Variants in INVS observed in about 807,000 individuals in gnomAD.
INVS encodes the protein inversion of embryo turning homolog.
A neutral mutation model predicts 108.8 loss-of-function variants in INVS; 86 were observed. The observed-to-expected ratio is 0.79, with a 90% CI of 0.66 to 0.95. The LOEUF is 0.95. Among genes scored for constraint, INVS ranks in the 40% least tolerant of loss-of-function variants. The probability of loss-of-function intolerance (pLI) is 0.00; values close to 1 mark genes in which losing one functional copy is unlikely to be tolerated. For missense variants in INVS, 1,169 were observed against 1,297.4 expected, an observed-to-expected ratio of 0.90 and a Z score of 1.52; for synonymous variants, 455 against 473.5, an observed-to-expected ratio of 0.96 and a Z score of 0.51.
rs1263277071 is a variant in INVS at position 100,123,362 on chromosome 9, G to T, written c.107-3021G>T. On this transcript the variant is annotated intron_variant, in intron 2 of 16. Coordinates refer to ENST00000262457, the MANE Select transcript of INVS (RefSeq NM_014425.5). The stretch of plus-strand genomic sequence containing the variant: ...CATAAATATAATTATATAATATGTG[G>T]TATTTTTTGACTGGCTTCTTTTGCT... 2.6e-5 allele frequency among the ~76,000 whole-genome samples: 4 copies of T among 152,250 alleles called. No homozygotes were observed. In the East Asian group the frequency reaches 7.7e-4, roughly 29 times the overall value.
At chr9:100,113,570 G>T (rs182629715) in intron 2 of INVS, among the ~76,000 whole-genome samples, 1 of 150,870 alleles carries the variant, frequency 6.6e-6, no homozygotes, top group Admixed American at 6.6e-5. Context: ...TTGTTTGTTT[G>T]TTTGTTTGTT....
intron 3 of INVS, among the ~76,000 whole-genome samples, chr9:100,170,326 G>A (rs1373556161): frequency 6.6e-6 from 1 of 150,522 alleles, no homozygotes; most frequent in Admixed American, 6.7e-5. Flanking sequence ...GGAGACCAAG[G>A]CCAGAGGATC....
At chr9:100,131,727 A>C in intron 3 of INVS, 1 of 157,350 alleles carries the variant, frequency 6.4e-6, no homozygotes, top group Non-Finnish European at 1.4e-5. Context: ...TGGCTTCAAG[A>C]AGCTTAAGAC....
intron 3 of INVS, among the ~76,000 whole-genome samples, chr9:100,174,272 A>G (rs1175366412): frequency 6.6e-6 from 1 of 152,194 alleles, no homozygotes; most frequent in Non-Finnish European, 1.5e-5. Context: ...GAAACTCTAT[A>G]AAAAGAACTA....
At chr9:100,256,237 GTT>G (rs1250627366) in intron 10 of INVS, among the ~76,000 whole-genome samples, 2 of 151,952 alleles carry the variant, frequency 1.3e-5, no homozygotes, top group African/African-American at 4.8e-5. Flanking sequence ...AGTAGTTTGT[GTT>G]TTTGTGGGAT....
At chr9:100,295,318 A>G (rs1833759547) in intron 14 of INVS, among the ~76,000 whole-genome samples, 1 of 152,178 alleles carries the variant, frequency 6.6e-6, no homozygotes, top group East Asian at 1.9e-4. Flanking sequence ...CTGCGTAGGT[A>G]ACTACACAGG....
intron 12 of INVS, among the ~76,000 whole-genome samples, chr9:100,276,425 A>G (rs1233933318): frequency 6.6e-6 from 1 of 152,168 alleles, no homozygotes; most frequent in Non-Finnish European, 1.5e-5. Flanking sequence ...TGTGCTTGCT[A>G]GTGCTGCTAC....
At chr9:100,291,495 G>A (rs1833614005) in intron 13 of INVS, among the ~76,000 whole-genome samples, 1 of 152,134 alleles carries the variant, frequency 6.6e-6, no homozygotes, top group Non-Finnish European at 1.5e-5. Context: ...GTTAACTGTT[G>A]CTTATGGTAC....
chr9:100,132,784 T>C (rs1456001694), intron 3 of INVS, among the ~76,000 whole-genome samples: 1 of 152,146 alleles, frequency 6.6e-6, no homozygotes, highest in Non-Finnish European at 1.5e-5. Flanking sequence ...GGAATTTTTT[T>C]TTTTTAATTA....
intron 4 of INVS, among the ~76,000 whole-genome samples, chr9:100,227,064 G>GT (rs985469989): frequency 1.3e-5 from 2 of 152,098 alleles, no homozygotes; most frequent in African/African-American, 4.8e-5. Context: ...CTCAATTTTT[G>GT]TATGTATGGA....
intron 13 of INVS, 91 bp from the exon 14 acceptor site, chr9:100,292,235 T>C (rs1256676673): frequency 2.6e-6 from 3 of 1,158,820 alleles, no homozygotes; most frequent in Non-Finnish European, 3.9e-6. Flanking sequence ...GGTGATGATA[T>C]AGGCTAAGTC....
At chr9:100,133,336 TTATG>T (rs1828110674) in intron 3 of INVS, among the ~76,000 whole-genome samples, 2 of 148,250 alleles carry the variant, frequency 1.3e-5, no homozygotes, top group Admixed American at 6.6e-5. Context: ...TACCTTTACT[TTATG>T]TGTGTGTGTG....
chr9:100,247,843 CT>C (rs1236927760), intron 8 of INVS, among the ~76,000 whole-genome samples: 1 of 152,072 alleles, frequency 6.6e-6, no homozygotes, highest in African/African-American at 2.4e-5. Context: ...GAGTCTCACT[CT>C]GTCACCCAGG....
At position 100,297,886 on chromosome 9, in the gene INVS, C is replaced by T. The variant is rs373595549; in HGVS notation, c.3017-50C>T. On this transcript the variant is annotated intron_variant, in intron 15 of 16. Transcript: ENST00000262457. ...ATAAGGAATTCAGAAGTTGGTCAGG[C>T]CAAACGTATCCCTGGCCAAAGAAAA... is the stretch of plus-strand genomic sequence containing the variant. 1.7e-5 allele frequency: 28 copies of T among 1,600,954 alleles called. No homozygotes were observed. The African/African-American group carries it at 3.8e-4, about 21-fold the overall frequency.
At chr9:100,179,139 C>A (rs1318276707) in intron 3 of INVS, among the ~76,000 whole-genome samples, 1 of 152,076 alleles carries the variant, frequency 6.6e-6, no homozygotes, top group Non-Finnish European at 1.5e-5. Flanking sequence ...CTGAAGGAGG[C>A]ACTAACTATG....
chr9:100,213,825 A>T (rs1830908437), intron 3 of INVS, among the ~76,000 whole-genome samples: 1 of 152,194 alleles, frequency 6.6e-6, no homozygotes, highest in South Asian at 2.1e-4. Context: ...GTAAGCCCAG[A>T]GGAAGACATT....
chr9:100,151,033 T>C (rs1024656643), intron 3 of INVS, among the ~76,000 whole-genome samples: 1 of 152,170 alleles, frequency 6.6e-6, no homozygotes, highest in South Asian at 2.1e-4. Context: ...AAAATAGTAT[T>C]CAGTGAGATG....
chr9:100,248,760 C>G (rs1483720719), intron 8 of INVS, among the ~76,000 whole-genome samples: 1 of 152,044 alleles, frequency 6.6e-6, no homozygotes, highest in Non-Finnish European at 1.5e-5. Context: ...CCCTTTGCCA[C>G]AGGTGCTCTT....
chr9:100,180,093 A>C (rs182675185), intron 3 of INVS, among the ~76,000 whole-genome samples: 2 of 152,314 alleles, frequency 1.3e-5, no homozygotes, highest in Admixed American at 1.3e-4. Flanking sequence ...GAAACCAATA[A>C]GAGCAAAGAC....
Sources: gnomAD v4.1 joint callset for allele counts (sites outside exome capture counted in the v4.1 genomes callset) on GRCh38, gnomAD v4.1.1 for gene constraint, MANE v1.5 for transcripts, NCBI Gene and HGNC (gene_info 2026-07-23, HGNC 2026-07-21) for gene names.